The following MTUS2 variants were observed in gnomAD, a reference collection of about 807,000 sequenced individuals.
The protein encoded by MTUS2 is microtubule associated scaffold protein 2, also known as microtubule-associated tumor suppressor candidate 2.
In MTUS2, 40 loss-of-function variants were observed where a neutral mutation model predicts 114.1. The observed-to-expected ratio is 0.35, with a 90% CI of 0.27 to 0.46. The LOEUF (loss-of-function observed/expected upper bound fraction) is 0.46, where lower values mean the gene tolerates loss of function less well. MTUS2 is among the 20% of genes least tolerant of loss of function. The pLI, the probability that MTUS2 is intolerant of heterozygous loss-of-function variation, is 1.00. For missense variants in MTUS2, 1,679 were observed against 1,705.4 expected (o/e 0.98, Z 0.27); for synonymous variants, 688 against 672.0 (o/e 1.02, Z -0.37).
intron 2 of MTUS2, among the ~76,000 whole-genome samples, chr13:28,951,117 C>T (rs942380323): frequency 3.3e-5 from 5 of 152,106 alleles, no homozygotes; most frequent in Non-Finnish European, 7.4e-5. Context: ...GCAAAAGAAT[C>T]ACAAAAAATC....
intron 4 of MTUS2, among the ~76,000 whole-genome samples, chr13:29,047,091 A>G (rs1887658993): frequency 1.3e-5 from 2 of 152,338 alleles, no homozygotes; most frequent in South Asian, 4.1e-4. Context: ...TGCTTTGTTA[A>G]GAATCCTTTG....
intron 9 of MTUS2, chr13:29,479,945 G>T (rs1044385693): frequency 4.0e-6 from 2 of 496,178 alleles, no homozygotes; most frequent in Non-Finnish European, 7.1e-6. Flanking sequence ...CCTCCATGAG[G>T]CTGCAGCTTC....
intron 5 of MTUS2, among the ~76,000 whole-genome samples, chr13:29,196,978 G>C (rs1169370389): frequency 6.6e-6 from 1 of 152,126 alleles, no homozygotes; most frequent in Non-Finnish European, 1.5e-5. Context: ...ACCCAGAAGT[G>C]GGATTACTGG....
intron 2 of MTUS2, among the ~76,000 whole-genome samples, chr13:28,994,479 C>A (rs112299243): frequency 0.028 from 4,273 of 152,214 alleles, 99 homozygotes; most frequent in African/African-American, 0.062. Context: ...ATCGCCACAC[C>A]GACTTCCACA....
intron 7 of MTUS2, among the ~76,000 whole-genome samples, chr13:29,336,388 A>T (rs760769695): frequency 2.0e-5 from 3 of 152,140 alleles, no homozygotes; most frequent in Non-Finnish European, 2.9e-5. Context: ...TCCTTCTAAC[A>T]TTCAGGCCCC....
chr13:29,325,483 A>G (rs1313481552), intron 7 of MTUS2, among the ~76,000 whole-genome samples: 1 of 107,384 alleles, frequency 9.3e-6, no homozygotes, highest in Non-Finnish European at 2.1e-5. Context: ...AAAGAAGAAG[A>G]GGAAGAGGGA....
At chr13:28,871,588 C>G (rs941685443) in intron 2 of MTUS2, among the ~76,000 whole-genome samples, 13 of 152,170 alleles carry the variant, frequency 8.5e-5, no homozygotes, top group Admixed American at 7.9e-4. Flanking sequence ...ATTAATCACT[C>G]AGGATATAGT....
intron 5 of MTUS2, among the ~76,000 whole-genome samples, chr13:29,233,637 A>G (rs1428524568): frequency 6.6e-6 from 1 of 152,184 alleles, no homozygotes; most frequent in Non-Finnish European, 1.5e-5. Context: ...TCACCCACAG[A>G]CATTTTGTAT....
intron 5 of MTUS2, among the ~76,000 whole-genome samples, chr13:29,225,117 G>A (rs992723952): frequency 2.6e-5 from 4 of 152,202 alleles, no homozygotes; most frequent in African/African-American, 9.7e-5. Context: ...CCTACCCTGG[G>A]CAGCAGAGCA....
chr13:29,281,595 C>T lies in MTUS2; in HGVS notation c.2645-109C>T, dbSNP rs535400992. 1.7e-3 allele frequency: 2,043 copies of T among 1,219,052 alleles called. 32 individuals carry two copies. The South Asian group carries it at 0.027, about 16-fold the overall frequency. 75.5% of individuals were successfully genotyped at this position (1,219,052 alleles called of 1,614,324 possible). A position where few individuals can be genotyped will look rare whatever the true frequency, so the allele number is the denominator to read the frequency against. The stretch of plus-strand genomic sequence containing the variant: ...CAAGGTCACTCACTAAGAATCAGGT[C>T]AAGTTCTAAAGCAGATGACGGCAGT... On this transcript the variant is annotated intron_variant, in intron 5 of 15. Transcript: ENST00000612955.
At chr13:28,925,577 G>A (rs1248432265) in intron 2 of MTUS2, among the ~76,000 whole-genome samples, 1 of 152,162 alleles carries the variant, frequency 6.6e-6, no homozygotes, top group African/African-American at 2.4e-5. Context: ...CTGTGGAGTG[G>A]TCACATTGGT....
At chr13:29,232,670 T>C (rs1366778704) in intron 5 of MTUS2, among the ~76,000 whole-genome samples, 3 of 152,216 alleles carry the variant, frequency 2.0e-5, no homozygotes, top group Non-Finnish European at 4.4e-5. Flanking sequence ...TACCTTTTGC[T>C]CATTTTTAGC....
intron 6 of MTUS2, among the ~76,000 whole-genome samples, chr13:29,312,412 TAAAA>T (rs1899810365): frequency 1.3e-5 from 2 of 152,202 alleles, no homozygotes; most frequent in Admixed American, 1.3e-4. Context: ...CAAAAATTTT[TAAAA>T]GGATGAGGCA....
chr13:28,888,584 G>C (rs1333462729), intron 2 of MTUS2, among the ~76,000 whole-genome samples: 1 of 152,128 alleles, frequency 6.6e-6, no homozygotes. Flanking sequence ...ACCACACCCA[G>C]CTAATTTTTG....
chr13:28,910,776 T>C (rs1040601776), intron 2 of MTUS2, among the ~76,000 whole-genome samples: 3 of 151,812 alleles, frequency 2.0e-5, no homozygotes, highest in Non-Finnish European at 4.4e-5. Flanking sequence ...TTATCCAGTC[T>C]ATCATTGATG....
chr13:29,023,134 G>C (rs1803089092), intron 2 of MTUS2, among the ~76,000 whole-genome samples: 2 of 152,204 alleles, frequency 1.3e-5, no homozygotes, highest in Non-Finnish European at 2.9e-5. Context: ...GTAAGATGAG[G>C]TTGGGGGAGG....
intron 2 of MTUS2, among the ~76,000 whole-genome samples, chr13:28,964,384 G>A (rs543008547): frequency 6.6e-6 from 1 of 152,254 alleles, no homozygotes; most frequent in Admixed American, 6.5e-5. Flanking sequence ...CTGTGATTAA[G>A]AGAAATTTGA....
intron 6 of MTUS2, among the ~76,000 whole-genome samples, chr13:29,316,868 A>G (rs1257504595): frequency 6.6e-6 from 1 of 152,212 alleles, no homozygotes; most frequent in African/African-American, 2.4e-5. Flanking sequence ...TGCTTATGAT[A>G]AATATTTCCC....
At position 29,033,986 on chromosome 13, in the gene MTUS2, G is replaced by A. The variant is rs1390412636; in HGVS notation, c.2307G>A (p.Gln769=). The A allele has an allele frequency of 2.5e-5, 41 of 1,613,840 alleles. No individual in the cohort carries two copies. The highest frequency in any genetic ancestry group is 3.4e-5 in the Non-Finnish European group (40 of 1,179,904). The change falls in exon 4 of 16, where the codon CAG becomes CAA. Residue 769 remains glutamine, a synonymous_variant. Coordinates refer to ENST00000612955, the MANE Select transcript of MTUS2 (RefSeq NM_001033602.4). ...FYRSAMLLKP[Q]LGLGAMSRLP... is the part of the protein sequence containing the mutation. ...GGTCAGCCATGCTCCTTAAGCCCCA[G>A]CTAGGATTGGGTGCAATGTCCCGTT...
Sources: gnomAD v4.1 joint callset for allele counts (sites outside exome capture counted in the v4.1 genomes callset) on GRCh38, gnomAD v4.1.1 for gene constraint, MANE v1.5 for transcripts, NCBI Gene and HGNC (gene_info 2026-07-23, HGNC 2026-07-21) for gene names.